The following ATXN10 variants were observed in gnomAD, a reference collection of about 807,000 sequenced individuals.
ATXN10 encodes ataxin-10.
A neutral mutation model predicts 52.9 loss-of-function variants in ATXN10; 28 were observed. The observed-to-expected ratio is 0.53, with a 90% confidence interval of 0.39 to 0.73. ATXN10 has a LOEUF of 0.73. Among genes scored for constraint, ATXN10 ranks in the 30% least tolerant of loss-of-function variants. The pLI is 0.00. For synonymous variants in ATXN10, 226 were observed against 221.5 expected, an observed-to-expected ratio of 1.02 and a Z score of -0.18; for missense variants, 565 against 577.0, an observed-to-expected ratio of 0.98 and a Z score of 0.21.
In ATXN10 at chr22:45,837,233, A is replaced by G. The variant is rs901191288; in HGVS notation, c.1238-5758A>G. 1.3e-5 allele frequency among the ~76,000 whole-genome samples: 2 copies of G among 152,180 alleles called. No homozygotes were observed. The highest frequency in any genetic ancestry group is 6.5e-5 in the Admixed American group (1 of 15,280). ...TAATTTACATAATGCATATTTTTTC[A>G]GTGCCAGTACTTTTTAAGGTTGGTT... On this transcript the variant is annotated intron_variant, in intron 10 of 11. Coordinates refer to ENST00000252934, the MANE Select transcript of ATXN10 (RefSeq NM_013236.4). The surrounding 1 kb of genome is among the most constrained non-coding windows in gnomAD (Gnocchi z 5.8).
intron 9 of ATXN10, among the ~76,000 whole-genome samples, chr22:45,767,384 AAT>A (rs1429509528): frequency 6.6e-6 from 1 of 151,994 alleles, no homozygotes; most frequent in Non-Finnish European, 1.5e-5. Flanking sequence ...GAGAAATATG[AAT>A]ATATGTACAT....
chr22:45,729,455 G>T lies in ATXN10; in HGVS notation c.759G>T (p.Lys253Asn). Residue 253 changes from lysine (K) to asparagine (N), a missense_variant, in exon 7 of 12, where the codon AAG (lysine) becomes AAT (asparagine). Coordinates refer to ENST00000252934, the MANE Select transcript of ATXN10 (RefSeq NM_013236.4). ...RVTLLDLMIA[K>N]ITSDEPLTKD... ...CACTGTTAGACCTTATGATAGCCAA[G>T]ATAACGAGTGATGAGCCACTCACCA... is the stretch of plus-strand genomic sequence containing the variant. The T allele has an allele frequency of 6.2e-7, 1 of 1,614,144 alleles. No homozygotes were observed. The highest frequency in any genetic ancestry group is 8.5e-7 in the Non-Finnish European group (1 of 1,180,026).
chr22:45,762,334 C>G lies in ATXN10; in HGVS notation c.1173+21796C>G, dbSNP rs1926423953. On this transcript the variant is annotated intron_variant, in intron 9 of 11. Transcript: ENST00000252934. This position sits in a 1 kb window ranked among gnomAD's most constrained non-coding sequence, Gnocchi z 4.3. Reference sequence around the variant, plus strand: ...CAGAGGGCCTGACCCAGGGTAGGCACTCCCGCTTCATGACTACATCTCATT... The same window carrying G: ...CAGAGGGCCTGACCCAGGGTAGGCAGTCCCGCTTCATGACTACATCTCATT... Among the ~76,000 whole-genome samples, 2 of 152,198 alleles carry G rather than the reference C, an allele frequency of 1.3e-5. No homozygotes were observed. The highest frequency in any genetic ancestry group is 2.9e-5 in the Non-Finnish European group (2 of 68,038).
chr22:45,753,085 A>G (rs1041106129), intron 9 of ATXN10, among the ~76,000 whole-genome samples: 7 of 151,760 alleles, frequency 4.6e-5, no homozygotes, highest in African/African-American at 1.7e-4. Flanking sequence ...GTCATTTAAG[A>G]CACTTATTTT....
At chr22:45,777,780 T>G (rs1200514097) in intron 9 of ATXN10, among the ~76,000 whole-genome samples, 1 of 152,120 alleles carries the variant, frequency 6.6e-6, no homozygotes, top group Non-Finnish European at 1.5e-5. Flanking sequence ...CCTGCTGGAG[T>G]CATGGTTCTG....
chr22:45,740,737 CACGT>C lies in ATXN10; in HGVS notation c.1173+200_1173+203del, dbSNP rs1480863628. 1.4e-4 allele frequency: 52 copies of C among 375,256 alleles called. 1 individual carries two copies. Among genetic ancestry groups the C allele is most frequent in the Non-Finnish European group, 1.7e-4 (37 of 216,742 alleles). 23.2% of individuals were successfully genotyped at this position (375,256 alleles called of 1,614,324 possible). On this transcript the variant is annotated intron_variant, in intron 9 of 11. Coordinates refer to ENST00000252934, the MANE Select transcript of ATXN10 (RefSeq NM_013236.4). ...ACACACACATATATATACACACACA[CACGT>C]GTGTGTGTGTGTGTATATATATATA...
At position 45,776,290 on chromosome 22, in the gene ATXN10, T is replaced by TGA. The variant is rs1173201429; in HGVS notation, c.1174-30668_1174-30667dup. 2.6e-5 allele frequency among the ~76,000 whole-genome samples: 4 copies of TGA among 152,320 alleles called. No individual in the cohort carries two copies. The East Asian group carries it at 7.7e-4, about 29-fold the overall frequency. ...GCTTTGTTAATAACAACCAATCTTT[T>TGA]GATAGCACTTTCCATTCTATAAAGC... On this transcript the variant is annotated intron_variant, in intron 9 of 11. Coordinates refer to ENST00000252934, the MANE Select transcript of ATXN10 (RefSeq NM_013236.4).
rs1013250738 is a variant in ATXN10, at chr22:45,690,626, G to A, written c.308+723G>A. 2.0e-5 allele frequency among the ~76,000 whole-genome samples: 3 copies of A among 152,192 alleles called. No homozygotes were observed. The highest frequency in any genetic ancestry group is 1.9e-4 in the East Asian group (1 of 5,200). On this transcript the variant is annotated intron_variant, in intron 2 of 11. Coordinates refer to ENST00000252934, the MANE Select transcript of ATXN10 (RefSeq NM_013236.4). This position sits in a 1 kb window ranked among gnomAD's most constrained non-coding sequence, Gnocchi z 4.5. ...TGTTACTCTTGTGTTTGGACAAGAA[G>A]CATATTTTGTAAATTTACAAGATGA... is the stretch of plus-strand genomic sequence containing the variant.
In ATXN10 at chr22:45,687,510, A is replaced by G. The variant is rs117434889; in HGVS notation, c.117-2202A>G. 1.7e-3 allele frequency among the ~76,000 whole-genome samples: 261 copies of G among 152,324 alleles called. 1 individual carries two copies. The highest frequency in any genetic ancestry group is 3.3e-3 in the Admixed American group (50 of 15,308). On this transcript the variant is annotated intron_variant, in intron 1 of 11. Transcript: ENST00000252934. ...CAGCTGTAAATACACATTCTTAGTCATCTCAGTAGGAAAAGAGAGGCGTTA... is the reference window on the plus strand; with the variant it reads ...CAGCTGTAAATACACATTCTTAGTCGTCTCAGTAGGAAAAGAGAGGCGTTA...
chr22:45,809,279 A>G (rs1174128198), intron 10 of ATXN10, among the ~76,000 whole-genome samples: 1 of 151,922 alleles, frequency 6.6e-6, no homozygotes, highest in African/African-American at 2.4e-5. Flanking sequence ...AATGACTCCT[A>G]CTTTACTCCT....
At position 45,843,667 on chromosome 22, in the gene ATXN10, A is replaced by G; in HGVS notation, c.1426-2A>G. The G allele has an allele frequency of 6.2e-7, 1 of 1,612,066 alleles. No homozygotes were observed. The highest frequency in any genetic ancestry group is 8.5e-7 in the Non-Finnish European group (1 of 1,178,698). On this transcript the variant is annotated splice_acceptor_variant, in intron 11 of 11. Coordinates refer to ENST00000252934, the MANE Select transcript of ATXN10 (RefSeq NM_013236.4). LOFTEE classifies it high-confidence loss of function. The surrounding 1 kb of genome is among the most constrained non-coding windows in gnomAD (Gnocchi z 4.5). Reference sequence around the variant, plus strand: ...CAATTTTGTTTCTTTCTTCTTCTTTAGTGAATGAACTACATCCAAATACCT... The same window carrying G: ...CAATTTTGTTTCTTTCTTCTTCTTTGGTGAATGAACTACATCCAAATACCT...
intron 10 of ATXN10, among the ~76,000 whole-genome samples, chr22:45,815,379 C>T (rs562579870): frequency 3.9e-5 from 6 of 152,238 alleles, no homozygotes; most frequent in Admixed American, 2.0e-4. Context: ...TGTTTTCAGT[C>T]TTCCTGTGGT....
At position 45,677,919 on chromosome 22, in the gene ATXN10, T is replaced by C. The variant is rs1303401366; in HGVS notation, c.116+5740T>C. Reference sequence around the variant, plus strand: ...ATAATTTGGTGGGTCCTCAAAAAGCTAAACATGGAATATGACCAAGCAGTT... The same window carrying C: ...ATAATTTGGTGGGTCCTCAAAAAGCCAAACATGGAATATGACCAAGCAGTT... On this transcript the variant is annotated intron_variant, in intron 1 of 11. Transcript: ENST00000252934. The surrounding 1 kb of genome is among the most constrained non-coding windows in gnomAD (Gnocchi z 4.1). 1 of 152,164 alleles carries C rather than the reference T, an allele frequency of 6.6e-6. No homozygotes were observed. The highest frequency in any genetic ancestry group is 2.4e-5 in the African/African-American group (1 of 41,432). The allele number at this position is 152,164 out of a possible 1,614,324, so 9.4% of individuals were successfully genotyped here.
rs1601612644 is a variant in ATXN10, at chr22:45,733,670, C to CA, written c.894+4081dup. 1.3e-5 allele frequency among the ~76,000 whole-genome samples: 2 copies of CA among 152,010 alleles called. No homozygotes were observed. The highest frequency in any genetic ancestry group is 3.9e-4 in the East Asian group (2 of 5,170). On this transcript the variant is annotated intron_variant, in intron 7 of 11. Coordinates refer to ENST00000252934, the MANE Select transcript of ATXN10 (RefSeq NM_013236.4). The surrounding 1 kb of genome is among the most constrained non-coding windows in gnomAD (Gnocchi z 4.4). ...TACTCGGGAGGCGGAGGCAGAGAAT[C>CA]ACGTGAACCCGGGAGGCGGAGGTTG...
At position 45,684,210 on chromosome 22, in the gene ATXN10, C is replaced by CA. The variant is rs1289544754; in HGVS notation, c.117-5499dup. Reference sequence around the variant, plus strand: ...TTGAACTCTCCTGGCTTCTGCCTCTCAAAGCACTGGAATTATAGGCATATG... The same window carrying CA: ...TTGAACTCTCCTGGCTTCTGCCTCTCAAAAGCACTGGAATTATAGGCATATG... On this transcript the variant is annotated intron_variant, in intron 1 of 11. Coordinates refer to ENST00000252934, the MANE Select transcript of ATXN10 (RefSeq NM_013236.4). The surrounding 1 kb of genome is among the most constrained non-coding windows in gnomAD (Gnocchi z 4.1). Among the ~76,000 whole-genome samples the CA allele has an allele frequency of 1.3e-5, 2 of 151,276 alleles. No homozygotes were observed. The highest frequency in any genetic ancestry group is 3.9e-4 in the East Asian group (2 of 5,156).
chr22:45,689,575 T>A (rs1344370973), intron 1 of ATXN10, 137 bp from the exon 2 acceptor site: 6 of 600,358 alleles, frequency 1.0e-5, no homozygotes, highest in African/African-American at 6.3e-5. Flanking sequence ...TTTTATTTGG[T>A]GTTGTAAATT....
chr22:45,822,770 C>T (rs1283969792), intron 10 of ATXN10, among the ~76,000 whole-genome samples: 3 of 152,000 alleles, frequency 2.0e-5, no homozygotes, highest in Non-Finnish European at 4.4e-5. Flanking sequence ...GATCCGTCTG[C>T]CTTGGCCTCC....
chr22:45,760,340 T>C (rs1926339201), intron 9 of ATXN10, among the ~76,000 whole-genome samples: 1 of 152,152 alleles, frequency 6.6e-6, no homozygotes, highest in Non-Finnish European at 1.5e-5. Context: ...GTACCAGTGA[T>C]TATTATTCAA....
In ATXN10 at chr22:45,790,594, G is replaced by A. The variant is rs1927475011; in HGVS notation, c.1174-16365G>A. ...TCAGTTAGTCTCTGACAGTTGGGGG[G>A]CTACACATTTGGGAGCAATCTCCTC... On this transcript the variant is annotated intron_variant, in intron 9 of 11. Transcript: ENST00000252934. The surrounding 1 kb of genome is among the most constrained non-coding windows in gnomAD (Gnocchi z 4.7). 6.6e-6 allele frequency among the ~76,000 whole-genome samples: 1 copy of A among 152,160 alleles called. No individual in the cohort carries two copies. Among genetic ancestry groups the A allele is most frequent in the Admixed American group, 6.5e-5 (1 of 15,272 alleles).
Sources: gnomAD v4.1 joint callset for allele counts (sites outside exome capture counted in the v4.1 genomes callset) on GRCh38, gnomAD v4.1.1 for gene constraint, Gnocchi (gnomAD v3.1) non-coding constraint, MANE v1.5 for transcripts, NCBI Gene and HGNC (gene_info 2026-07-23, HGNC 2026-07-21) for gene names.